The following RAB28 variants were observed in gnomAD, a reference collection of about 807,000 sequenced individuals.
The protein encoded by RAB28 is RAB28, member RAS oncogene family.
In RAB28, 24 loss-of-function variants were observed where a neutral mutation model predicts 31.7. The ratio of observed to expected loss-of-function variants is 0.76; its 90% CI spans 0.55 to 1.06. The LOEUF is 1.06. Among genes scored for constraint, RAB28 ranks in the 50% least tolerant of loss-of-function variants. RAB28 has a pLI of 0.00. For synonymous variants in RAB28, 100 were observed against 90.4 expected, an observed-to-expected ratio of 1.11 and a Z score of -0.60; for missense variants, 254 against 258.5, an observed-to-expected ratio of 0.98 and a Z score of 0.12.
intron 4 of RAB28, among the ~76,000 whole-genome samples, chr4:13,449,410 G>C (rs73231508): frequency 0.014 from 2,081 of 151,890 alleles, 24 homozygotes; most frequent in Middle Eastern, 0.041. Flanking sequence ...TCTTTTAAAA[G>C]CCTGCTGATA....
At chr4:13,428,433 G>A (rs529662444) in intron 4 of RAB28, among the ~76,000 whole-genome samples, 30 of 152,304 alleles carry the variant, frequency 2.0e-4, no homozygotes, top group African/African-American at 7.0e-4. Context: ...CACATGTAAA[G>A]TACAATAAAA....
At chr4:13,481,775 T>C (rs1047613705) in intron 1 of RAB28, among the ~76,000 whole-genome samples, 7 of 152,062 alleles carry the variant, frequency 4.6e-5, no homozygotes, top group African/African-American at 1.7e-4. Context: ...CAATACTCTA[T>C]TGCATCTGTC....
intron 4 of RAB28, among the ~76,000 whole-genome samples, chr4:13,425,667 G>A (rs1437992420): frequency 6.6e-6 from 1 of 152,154 alleles, no homozygotes; most frequent in East Asian, 1.9e-4. Context: ...ATTATAGGGG[G>A]ATTAATTTAA....
intron 4 of RAB28, among the ~76,000 whole-genome samples, chr4:13,427,997 G>A (rs552846372): frequency 2.4e-4 from 37 of 152,272 alleles, no homozygotes; most frequent in Admixed American, 1.7e-3. Context: ...CTCTAAGGGG[G>A]TCCACGTGAG....
At chr4:13,393,800 C>T (rs16888633) in intron 4 of RAB28, among the ~76,000 whole-genome samples, 7,565 of 139,340 alleles carry the variant, frequency 0.054, 368 homozygotes, top group African/African-American at 0.14. Context: ...GTTCTGCACA[C>T]TAATCAACCT....
chr4:13,452,099 G>C (rs1041829648), intron 4 of RAB28, among the ~76,000 whole-genome samples: 3 of 151,808 alleles, frequency 2.0e-5, no homozygotes, highest in Admixed American at 2.0e-4. Context: ...AGTCTCTAAT[G>C]ATCCTTTTTG....
At chr4:13,448,912 A>AAGCAGC (rs371746319) in intron 4 of RAB28, among the ~76,000 whole-genome samples, 4,002 of 151,838 alleles carry the variant, frequency 0.026, 82 homozygotes, top group African/African-American at 0.054. Context: ...AAAAAAGAAA[A>AAGCAGC]AGCAGCAGCA....
At chr4:13,471,601 A>C (rs981509872) in intron 3 of RAB28, among the ~76,000 whole-genome samples, 13 of 152,004 alleles carry the variant, frequency 8.6e-5, no homozygotes, top group Admixed American at 6.6e-4. Context: ...TCCTGGACTC[A>C]CGTGATCCTC....
intron 3 of RAB28, among the ~76,000 whole-genome samples, chr4:13,468,349 C>G (rs1314255688): frequency 3.3e-5 from 5 of 151,912 alleles, no homozygotes; most frequent in African/African-American, 1.2e-4. Flanking sequence ...ATAAAATATA[C>G]CTTAATATGT....
chr4:13,420,141 A>C (rs1030187691), intron 4 of RAB28, among the ~76,000 whole-genome samples: 1 of 152,230 alleles, frequency 6.6e-6, no homozygotes, highest in Non-Finnish European at 1.5e-5. Flanking sequence ...CTACGCAAAT[A>C]AACTAGAAAA....
chr4:13,451,320 T>C (rs1378582183), intron 4 of RAB28, among the ~76,000 whole-genome samples: 6 of 151,784 alleles, frequency 4.0e-5, no homozygotes, highest in African/African-American at 1.2e-4. Flanking sequence ...TTGTTGACCA[T>C]TTCTATGTCT....
intron 3 of RAB28, among the ~76,000 whole-genome samples, chr4:13,473,069 T>C (rs928061851): frequency 6.6e-6 from 1 of 151,942 alleles, no homozygotes; most frequent in African/African-American, 2.4e-5. Context: ...TTATAAGTGA[T>C]TCAGAACCAT....
At chr4:13,404,852 C>T (rs189437250) in intron 4 of RAB28, among the ~76,000 whole-genome samples, 1 of 151,390 alleles carries the variant, frequency 6.6e-6, no homozygotes, top group Non-Finnish European at 1.5e-5. Context: ...TTTAACAATA[C>T]TAACCAGTTT....
At chr4:13,478,471 A>G (rs1462513896) in intron 2 of RAB28, among the ~76,000 whole-genome samples, 1 of 151,532 alleles carries the variant, frequency 6.6e-6, no homozygotes, top group Non-Finnish European at 1.5e-5. Context: ...TACCTACTCT[A>G]AAACTTTCAT....
chr4:13,444,381 A>AATAT (rs141970253), intron 4 of RAB28, among the ~76,000 whole-genome samples: 1 of 150,750 alleles, frequency 6.6e-6, no homozygotes, highest in African/African-American at 2.4e-5. Flanking sequence ...TGTGTATACA[A>AATAT]ATATATATAT....
chr4:13,406,035 A>G (rs1338892138), intron 4 of RAB28, among the ~76,000 whole-genome samples: 1 of 152,110 alleles, frequency 6.6e-6, no homozygotes, highest in East Asian at 1.9e-4. Context: ...AAGTTTTGGG[A>G]CACATGTGCA....
At chr4:13,450,765 T>C (rs1021238666) in intron 4 of RAB28, among the ~76,000 whole-genome samples, 2 of 151,756 alleles carry the variant, frequency 1.3e-5, no homozygotes, top group Admixed American at 6.6e-5. Flanking sequence ...AGGTGAGATG[T>C]GAATGACAAA....
chr4:13,476,158 G>C (rs1409332916), intron 2 of RAB28, among the ~76,000 whole-genome samples: 2 of 151,446 alleles, frequency 1.3e-5, no homozygotes, highest in East Asian at 3.9e-4. Context: ...CTGATATTCA[G>C]ATCCTATCTG....
intron 6 of RAB28, among the ~76,000 whole-genome samples, chr4:13,375,925 A>T (rs1369820012): frequency 6.6e-6 from 1 of 152,146 alleles, no homozygotes; most frequent in Non-Finnish European, 1.5e-5. Context: ...GAAGAAATTG[A>T]GCAAAAATGT....
Sources: allele counts gnomAD v4.1 joint callset (sites outside exome capture counted in the v4.1 genomes callset), GRCh38; gene constraint gnomAD v4.1.1; transcripts MANE v1.5; gene names NCBI Gene and HGNC (gene_info 2026-07-23, HGNC 2026-07-21).